The following EPAS1 variants were observed in gnomAD, a reference collection of about 807,000 sequenced individuals.
EPAS1 encodes the protein endothelial PAS domain-containing protein 1.
EPAS1 carries 23 observed loss-of-function variants against 87.9 expected under a neutral mutation model. The observed-to-expected ratio is 0.26, with a 90% CI of 0.19 to 0.37. EPAS1 has a LOEUF of 0.37. Ranked by LOEUF, EPAS1 falls within the 10% of genes least tolerant of loss-of-function variation. The probability of loss-of-function intolerance (pLI) is 1.00; values close to 1 mark genes in which losing one functional copy is unlikely to be tolerated. For synonymous variants in EPAS1, 508 were observed against 444.3 expected (o/e 1.14, Z -1.80); for missense variants, 1,138 against 1,120.7 (o/e 1.02, Z -0.22).
chr2:46,341,808 C>G (rs1201262285), intron 1 of EPAS1, among the ~76,000 whole-genome samples: 1 of 152,236 alleles, frequency 6.6e-6, no homozygotes, highest in Non-Finnish European at 1.5e-5. Context: ...CTCTGCAAAA[C>G]TGGGGCCAAT....
chr2:46,334,522 C>T (rs920317218), intron 1 of EPAS1, among the ~76,000 whole-genome samples: 20 of 152,160 alleles, frequency 1.3e-4, no homozygotes, highest in African/African-American at 4.6e-4. Context: ...AGAGTTCTCC[C>T]TGTCTTCTCC....
At chr2:46,384,360 G>A (rs2103681912) in intron 15 of EPAS1, 149 bp from the exon 16 acceptor site, 1 of 1,120,752 alleles carries the variant, frequency 8.9e-7, no homozygotes, top group East Asian at 2.4e-5. Flanking sequence ...ACGTTCCCCG[G>A]GCATGCAGCA....
chr2:46,375,560 C>T lies in EPAS1; in HGVS notation c.887-130C>T. ...CCCTCCCAGGTCACTCTCCCTGGTC[C>T]TCACTGTCGTGGCGCCCTGTTCTGT... On this transcript the variant is annotated intron_variant, in intron 7 of 15. Transcript: ENST00000263734. This position sits in a 1 kb window ranked among gnomAD's most constrained non-coding sequence, Gnocchi z 4.1. 1.7e-6 allele frequency: 2 copies of T among 1,143,254 alleles called. No individual in the cohort carries two copies. The highest frequency in any genetic ancestry group is 2.6e-6 in the Non-Finnish European group (2 of 782,584). 70.8% of individuals were successfully genotyped at this position (1,143,254 alleles called of 1,614,324 possible).
At position 46,332,332 on chromosome 2, in the gene EPAS1, G is replaced by GTGTGTGTATATA. The variant is rs146630883; in HGVS notation, c.27-14540_27-14539insGTGTGTATATAT. Among the ~76,000 whole-genome samples the GTGTGTGTATATA allele has an allele frequency of 9.6e-4, 137 of 142,186 alleles. 2 individuals are homozygous for GTGTGTGTATATA. Among genetic ancestry groups the GTGTGTGTATATA allele is most frequent in the African/African-American group, 3.6e-3 (132 of 36,840 alleles). The allele number at this position is 142,186 out of a possible 152,430, so 93.3% of individuals were successfully genotyped here. A position where few individuals can be genotyped will look rare whatever the true frequency, so the allele number is the denominator to read the frequency against. On this transcript the variant is annotated intron_variant, in intron 1 of 15. Coordinates refer to ENST00000263734, the MANE Select transcript of EPAS1 (RefSeq NM_001430.5). ...TGTGTGTGTGTGTGTGTGTGTGTGTGTATCAACTTGTTTTCTCTTTGGCTG... is the reference window on the plus strand; with the variant it reads ...TGTGTGTGTGTGTGTGTGTGTGTGTGTGTGTGTATATATATCAACTTGTTTTCTCTTTGGCTG...
chr2:46,376,812 T>G (rs1033029968), intron 9 of EPAS1, 59 bp downstream of exon 9: 30 of 1,574,026 alleles, frequency 1.9e-5, no homozygotes, highest in African/African-American at 2.7e-5. Context: ...GGAAGAGTTC[T>G]TACTATAACA....
rs1057454762 is a variant in EPAS1 at position 46,347,882 on chromosome 2, C to A, written c.217+819C>A. 6.6e-6 allele frequency among the ~76,000 whole-genome samples: 1 copy of A among 152,168 alleles called. No homozygotes were observed. Among genetic ancestry groups the A allele is most frequent in the African/African-American group, 2.4e-5 (1 of 41,442 alleles). ...TCAGTTCTGTAAGGACGCTGGGCAA[C>A]GAGTTGTGCTCCTCCCCACCTGGTC... On this transcript the variant is annotated intron_variant, in intron 2 of 15. Coordinates refer to ENST00000263734, the MANE Select transcript of EPAS1 (RefSeq NM_001430.5). This position sits in a 1 kb window ranked among gnomAD's most constrained non-coding sequence, Gnocchi z 4.2.
chr2:46,374,119 G>A (rs1684683152), intron 7 of EPAS1, among the ~76,000 whole-genome samples: 1 of 152,218 alleles, frequency 6.6e-6, no homozygotes, highest in Non-Finnish European at 1.5e-5. Context: ...CTTGCACTTT[G>A]CAGGTGCTTG....
chr2:46,362,977 AGTGGTGGTGGTGG>A (rs1684428245), intron 6 of EPAS1, among the ~76,000 whole-genome samples: 1 of 104,338 alleles, frequency 9.6e-6, no homozygotes, highest in African/African-American at 3.7e-5. Flanking sequence ...TGGTGGTGGT[AGTGGTGGTGGTGG>A]TGGTGGTGGT....
chr2:46,370,034 C>T, intron 7 of EPAS1, 101 bp downstream of exon 7: 1 of 880,914 alleles, frequency 1.1e-6, no homozygotes, highest in Non-Finnish European at 1.9e-6. Flanking sequence ...ACTTCCTCCA[C>T]AGAGCTGCTG....
Position 46,356,750 on chromosome 2 carries a change from T to G in EPAS1, c.396T>G (p.Phe132Leu). Residue 132 changes from phenylalanine (F) to leucine (L), a missense_variant, in exon 4 of 16, where the codon TTT (phenylalanine) becomes TTG (leucine). This residue lies in a region of EPAS1 where 351 missense variants were observed against 417.1 expected (regional missense o/e 0.84). Transcript: ENST00000263734. ...TGGAGCTAACAGGACATAGTATCTT[T>G]GACTTCACTCATCCCTGCGACCATG... is the stretch of plus-strand genomic sequence containing the variant. ...TQVELTGHSIFDFTHPCDHEE... is the reference protein window; with the variant it reads ...TQVELTGHSILDFTHPCDHEE... The G allele has an allele frequency of 1.2e-6, 2 of 1,614,056 alleles. No homozygotes were observed. The highest frequency in any genetic ancestry group is 1.7e-6 in the Non-Finnish European group (2 of 1,179,876).
chr2:46,330,627 T>G (rs1025356073), intron 1 of EPAS1, among the ~76,000 whole-genome samples: 1 of 152,156 alleles, frequency 6.6e-6, no homozygotes, highest in Non-Finnish European at 1.5e-5. Context: ...ATCCACACAA[T>G]CATCTCATTG....
Position 46,375,843 on chromosome 2 carries a change from C to T in EPAS1, c.1034+6C>T, listed in dbSNP as rs1364660796. The T allele has an allele frequency of 1.2e-6, 2 of 1,614,148 alleles. No homozygotes were observed. The highest frequency in any genetic ancestry group is 1.7e-6 in the Non-Finnish European group (2 of 1,180,028). On this transcript the variant is annotated splice_donor_region_variant and intron_variant, in intron 8 of 15. Transcript: ENST00000263734. This position sits in a 1 kb window ranked among gnomAD's most constrained non-coding sequence, Gnocchi z 4.1. ...TGTGTCAACTACGTCCTGAGGTAAG[C>T]ATGTGAGGGCTGGCGGGCCTTGGTG...
chr2:46,369,787 T>C (rs773161255), intron 6 of EPAS1, 40 bp from the exon 7 acceptor site: 2 of 1,487,256 alleles, frequency 1.3e-6, no homozygotes, highest in African/African-American at 1.4e-5. Flanking sequence ...TAAGTTAATA[T>C]GGTCTTTCTT....
At chr2:46,338,156 A>C (rs1683835681) in intron 1 of EPAS1, among the ~76,000 whole-genome samples, 1 of 152,230 alleles carries the variant, frequency 6.6e-6, no homozygotes, top group African/African-American at 2.4e-5. Context: ...CAAATGATCC[A>C]GGTTTGAGTG....
intron 1 of EPAS1, among the ~76,000 whole-genome samples, chr2:46,330,627 T>C (rs1025356073): frequency 6.6e-6 from 1 of 152,156 alleles, no homozygotes; most frequent in African/African-American, 2.4e-5. Flanking sequence ...ATCCACACAA[T>C]CATCTCATTG....
intron 1 of EPAS1, among the ~76,000 whole-genome samples, chr2:46,309,629 T>A (rs1683173211): frequency 6.6e-6 from 1 of 152,058 alleles, no homozygotes; most frequent in Non-Finnish European, 1.5e-5. Context: ...GGCAGATGAG[T>A]ATGGGGCATT....
rs188117114 is a variant in EPAS1, at chr2:46,384,922, A to G, written c.*262A>G. On this transcript the variant is annotated 3_prime_UTR_variant, in exon 16 of 16. Transcript: ENST00000263734. Reference sequence around the variant, plus strand: ...TAGGATTTTTTTCCTCCCCACCTTCAATGACTTCTAATTTATATTATCCAT... The same window carrying G: ...TAGGATTTTTTTCCTCCCCACCTTCGATGACTTCTAATTTATATTATCCAT... 1.6e-4 allele frequency: 82 copies of G among 502,206 alleles called. No individual in the cohort carries two copies. The highest frequency in any genetic ancestry group is 1.5e-3 in the African/African-American group (77 of 51,720). 31.1% of individuals were successfully genotyped at this position (502,206 alleles called of 1,614,324 possible).
intron 1 of EPAS1, among the ~76,000 whole-genome samples, chr2:46,298,566 A>C (rs1682932795): frequency 6.6e-6 from 1 of 152,174 alleles, no homozygotes; most frequent in Non-Finnish European, 1.5e-5. Context: ...GAGAGTAGGT[A>C]GTGAGTGACC....
Position 46,361,082 on chromosome 2 carries a change from T to C in EPAS1, c.771T>C (p.Cys257=). ...GCATGGACATGAAGTTCACCTACTG[T>C]GATGACAGGTAGGGGGCCATGGGTG... The part of the protein sequence containing the change: ...RHSMDMKFTY[C]DDRITELIGY... Residue 257 remains cysteine, a synonymous_variant, in exon 6 of 16, where the codon TGT becomes TGC. Coordinates refer to ENST00000263734, the MANE Select transcript of EPAS1 (RefSeq NM_001430.5). 1 of 1,614,014 alleles carries C rather than the reference T, an allele frequency of 6.2e-7. No individual in the cohort carries two copies. The highest frequency in any genetic ancestry group is 8.5e-7 in the Non-Finnish European group (1 of 1,179,990).
Sources: allele counts gnomAD v4.1 joint callset (sites outside exome capture counted in the v4.1 genomes callset), GRCh38; gene constraint gnomAD v4.1.1; regional missense constraint gnomAD v4.1.1; non-coding constraint Gnocchi (gnomAD v3.1); transcripts MANE v1.5; gene names NCBI Gene and HGNC (gene_info 2026-07-23, HGNC 2026-07-21).